Variants in ELAC2 observed in about 807,000 individuals in gnomAD.
ELAC2 encodes zinc phosphodiesterase ELAC protein 2.
ELAC2 carries 92 observed loss-of-function variants against 105.2 expected under a neutral mutation model. That is an observed-to-expected ratio of 0.87 (90% CI 0.74 to 1.04). ELAC2 has a LOEUF of 1.04. ELAC2 is among the 50% of genes least tolerant of loss of function. The pLI, the probability that ELAC2 is intolerant of heterozygous loss-of-function variation, is 0.00. For missense variants in ELAC2, 1,099 were observed against 1,071.7 expected, an observed-to-expected ratio of 1.03 and a Z score of -0.36; for synonymous variants, 468 against 409.1, an observed-to-expected ratio of 1.14 and a Z score of -1.74.
intron 12 of ELAC2, 63 bp downstream of exon 12, chr17:13,003,416 G>A: frequency 6.8e-7 from 1 of 1,473,086 alleles, no homozygotes; most frequent in Non-Finnish European, 9.5e-7. Flanking sequence ...ACGAGGGGAG[G>A]AAAGGGGAAT....
rs183247115 is a variant in ELAC2, at chr17:13,008,417, C to G, written c.738+2196G>C. On this transcript the variant is annotated intron_variant, in intron 8 of 23. Coordinates refer to ENST00000338034, the MANE Select transcript of ELAC2 (RefSeq NM_018127.7). Reference sequence around the variant, plus strand: ...GTCCCAGCTACTCGGGAGGCTGAGGCAGGAGAACTGCTTGACCCTGGGAGG... The same window carrying G: ...GTCCCAGCTACTCGGGAGGCTGAGGGAGGAGAACTGCTTGACCCTGGGAGG... Among the ~76,000 whole-genome samples, 653 of 151,756 alleles carry G rather than the reference C, an allele frequency of 4.3e-3. 5 individuals carry two copies. The highest frequency in any genetic ancestry group is 0.015 in the African/African-American group (631 of 41,312).
chr17:13,010,560 G>T, intron 8 of ELAC2, 53 bp downstream of exon 8: 2 of 1,542,158 alleles, frequency 1.3e-6, no homozygotes, highest in Non-Finnish European at 1.8e-6. Context: ...GCAAACCAGA[G>T]GTCGCTGACC....
intron 11 of ELAC2, chr17:13,003,935 TCA>T (rs1437895733): frequency 3.5e-5 from 9 of 260,512 alleles, no homozygotes; most frequent in Admixed American, 9.9e-5. Context: ...CCTTCCTCTC[TCA>T]CAGTCAAATT....
In ELAC2 at chr17:12,994,828, G is replaced by A. The variant is rs2040387020; in HGVS notation, c.1965C>T (p.His655=). ...AATAGACCACTTTCCAGCCAGAGGT[G>A]TGCACCAGCGCACAGCCAAACGCAT... ...CKHAFGCALV[H]TSGWKVVYSG... is the part of the protein sequence containing the mutation. Residue 655 remains histidine (H), a synonymous_variant, in exon 21 of 24, where the codon CAC becomes CAT. Transcript: ENST00000338034. 2 of 1,614,064 alleles carry A rather than the reference G, an allele frequency of 1.2e-6. No homozygotes were observed. The highest frequency in any genetic ancestry group is 1.7e-5 in the Admixed American group (1 of 60,026).
intron 12 of ELAC2, chr17:13,002,832 G>T (rs2040893173): frequency 1.8e-6 from 1 of 564,836 alleles, no homozygotes; most frequent in African/African-American, 1.9e-5. Context: ...AGATGTCCAG[G>T]GCATACAAAT....
At chr17:13,013,619 G>C (rs777113225) in intron 5 of ELAC2, among the ~76,000 whole-genome samples, 69 of 152,154 alleles carry the variant, frequency 4.5e-4, no homozygotes, top group Non-Finnish European at 8.7e-4. Context: ...AACCAGAAGA[G>C]CTGATGTATA....
chr17:13,001,364 C>T (rs1175338512), intron 14 of ELAC2, among the ~76,000 whole-genome samples: 3 of 152,010 alleles, frequency 2.0e-5, no homozygotes, highest in Non-Finnish European at 4.4e-5. Context: ...TGGTAGCAGG[C>T]GCCTGTAATT....
chr17:13,008,467 G>A (rs759274772), intron 8 of ELAC2, among the ~76,000 whole-genome samples: 3 of 151,830 alleles, frequency 2.0e-5, no homozygotes, highest in Non-Finnish European at 4.4e-5. Context: ...AGCCAAGATC[G>A]CACCACTGCA....
chr17:12,992,701 C>G lies in ELAC2; in HGVS notation c.*117G>C. On this transcript the variant is annotated 3_prime_UTR_variant, in exon 24 of 24. Transcript: ENST00000338034. The stretch of plus-strand genomic sequence containing the variant: ...TCGGCACAGCTCCATACCACCTATC[C>G]TGAGCTGCCTCCTGGGGGACCGTGC... 1 of 1,265,042 alleles carries G rather than the reference C, an allele frequency of 7.9e-7. No homozygotes were observed. Among genetic ancestry groups the G allele is most frequent in the South Asian group, 1.3e-5 (1 of 78,932 alleles). The allele number at this position is 1,265,042 out of a possible 1,614,324, so 78.4% of individuals were successfully genotyped here.
chr17:13,014,888 T>C (rs112577818), intron 4 of ELAC2, among the ~76,000 whole-genome samples: 2,634 of 152,170 alleles, frequency 0.017, 34 homozygotes, highest in Non-Finnish European at 0.026. Context: ...AGTAACAATA[T>C]AGGCAGCAAT....
chr17:13,007,849 G>A (rs189621063), intron 8 of ELAC2, among the ~76,000 whole-genome samples: 1 of 152,224 alleles, frequency 6.6e-6, no homozygotes, highest in East Asian at 1.9e-4. Context: ...CCGCACTCCA[G>A]CCTGGGCAAC....
chr17:13,010,690 G>C lies in ELAC2; in HGVS notation c.680-19C>G, dbSNP rs1306963623. On this transcript the variant is annotated intron_variant, in intron 7 of 23. Coordinates refer to ENST00000338034, the MANE Select transcript of ELAC2 (RefSeq NM_018127.7). ...CTAACACCTGAGGAAAAACACACTT[G>C]ATTATCACAAGGTAAATGTGAAAGC... The C allele has an allele frequency of 2.5e-6, 4 of 1,611,488 alleles. No individual in the cohort carries two copies. Among genetic ancestry groups the C allele is most frequent in the African/African-American group, 1.3e-5 (1 of 74,878 alleles).
At chr17:13,017,045 C>T (rs2041773759) in intron 2 of ELAC2, 26 bp downstream of exon 2, 1 of 1,613,946 alleles carries the variant, frequency 6.2e-7, no homozygotes, top group African/African-American at 1.3e-5. Context: ...ATCAACTCCC[C>T]CTCCGAAAGC....
At chr17:13,006,990 G>T (rs1017727094) in intron 8 of ELAC2, among the ~76,000 whole-genome samples, 2 of 151,844 alleles carry the variant, frequency 1.3e-5, no homozygotes, top group Non-Finnish European at 2.9e-5. Context: ...GTGTGGTGAC[G>T]TGCGCCTGTA....
At chr17:13,008,538 G>A (rs956659321) in intron 8 of ELAC2, among the ~76,000 whole-genome samples, 2 of 151,936 alleles carry the variant, frequency 1.3e-5, no homozygotes, top group Non-Finnish European at 1.5e-5. Context: ...GGTACTTGCC[G>A]ACTTAAGGCA....
At chr17:13,003,443 G>C (rs2040933276) in intron 12 of ELAC2, 36 bp downstream of exon 12, 3 of 1,592,544 alleles carry the variant, frequency 1.9e-6, no homozygotes, top group African/African-American at 2.7e-5. Flanking sequence ...CTGCCCAGAA[G>C]AGTTACCCCA....
In ELAC2 at chr17:12,992,609, C is replaced by G; in HGVS notation, c.*209G>C. ...GCTTCCGTGTGGCAGCCTCCTGGCC[C>G]GCGGCTGTGCCAGGCACCAGTCCTA... is the stretch of plus-strand genomic sequence containing the variant. On this transcript the variant is annotated 3_prime_UTR_variant, in exon 24 of 24. Transcript: ENST00000338034. 1.7e-6 allele frequency: 1 copy of G among 604,370 alleles called. No homozygotes were observed. Among genetic ancestry groups the G allele is most frequent in the Non-Finnish European group, 2.9e-6 (1 of 343,898 alleles). 37.4% of individuals were successfully genotyped at this position (604,370 alleles called of 1,614,324 possible).
rs56341811 is a variant in ELAC2 at position 13,002,208 on chromosome 17, TG to T, written c.1304+65del. The T allele has an allele frequency of 0.29, 442,066 of 1,540,332 alleles. 65,905 individuals are homozygous for T. Among genetic ancestry groups the T allele is most frequent in the Middle Eastern group, 0.34 (1,887 of 5,522 alleles). ...AGAGCCTCCTGGAACATTTACTATG[TG>T]GCTATTTACAGAAATGTTTCCCAAC... On this transcript the variant is annotated intron_variant, in intron 14 of 23. Transcript: ENST00000338034.
rs2040245141 is a variant in ELAC2, at chr17:12,992,734, C to T, written c.*84G>A. Reference sequence around the variant, plus strand: ...CCTCCTGGGGGACCGTGCTCTTCAGCTTCTACCAGCAAGGAGGGCAGATAC... The same window carrying T: ...CCTCCTGGGGGACCGTGCTCTTCAGTTTCTACCAGCAAGGAGGGCAGATAC... On this transcript the variant is annotated 3_prime_UTR_variant, in exon 24 of 24. Coordinates refer to ENST00000338034, the MANE Select transcript of ELAC2 (RefSeq NM_018127.7). 8 of 1,540,862 alleles carry T rather than the reference C, an allele frequency of 5.2e-6. No individual in the cohort carries two copies. Among genetic ancestry groups the T allele is most frequent in the Non-Finnish European group, 6.3e-6 (7 of 1,119,992 alleles).
Sources: gnomAD v4.1 joint callset for allele counts (sites outside exome capture counted in the v4.1 genomes callset) on GRCh38, gnomAD v4.1.1 for gene constraint, MANE v1.5 for transcripts, NCBI Gene and HGNC (gene_info 2026-07-23, HGNC 2026-07-21) for gene names.